IL17RD: variants seen among roughly 807,000 people sequenced by gnomAD.
IL17RD encodes the protein interleukin 17 receptor D.
A neutral mutation model predicts 80.5 loss-of-function variants in IL17RD; 52 were observed. The observed-to-expected ratio is 0.65, with a 90% CI of 0.52 to 0.81. IL17RD has a LOEUF of 0.81. IL17RD is among the 40% of genes least tolerant of loss of function. The probability of loss-of-function intolerance (pLI) is 0.00; values close to 1 mark genes in which losing one functional copy is unlikely to be tolerated. For missense variants in IL17RD, 1,024 were observed against 955.1 expected, an observed-to-expected ratio of 1.07 and a Z score of -0.95; for synonymous variants, 416 against 391.8, an observed-to-expected ratio of 1.06 and a Z score of -0.73.
intron 1 of IL17RD, among the ~76,000 whole-genome samples, chr3:57,123,417 G>T (rs1002302829): frequency 6.6e-6 from 1 of 152,302 alleles, no homozygotes; most frequent in South Asian, 2.1e-4. Context: ...GGGCACTGCA[G>T]TTCTGCTCGG....
At position 57,098,185 on chromosome 3, in the gene IL17RD, C is replaced by A. The variant is rs769391464; in HGVS notation, c.1518G>T (p.Gln506His). 1 of 1,613,926 alleles carries A rather than the reference C, an allele frequency of 6.2e-7. No individual in the cohort carries two copies. The highest frequency in any genetic ancestry group is 8.5e-7 in the Non-Finnish European group (1 of 1,179,842). ...TKYRLMDNLP[Q>H]LCSHLHSRDH... ...CTCGGGAGTGCAAGTGGGAACAGAGCTGAGGAAGATTGTCCATGAGTCTGT... is the reference window on the plus strand; with the variant it reads ...CTCGGGAGTGCAAGTGGGAACAGAGATGAGGAAGATTGTCCATGAGTCTGT... The change falls in exon 12 of 13, where the codon CAG becomes CAT. Residue 506 changes from glutamine (Q) to histidine (H), a missense_variant. Coordinates refer to ENST00000296318, the MANE Select transcript of IL17RD (RefSeq NM_017563.5).
At position 57,120,311 on chromosome 3, in the gene IL17RD, T is replaced by A; in HGVS notation, c.129A>T (p.Gly43=). The A allele has an allele frequency of 6.2e-7, 1 of 1,612,684 alleles. No individual in the cohort carries two copies. Among genetic ancestry groups the A allele is most frequent in the South Asian group, 1.1e-5 (1 of 91,036 alleles). ...ARGADTCGWR[G]VGPASRNSGL... ...CACTGTTTCTGCTGGCTGGCCCCAC[T>A]CCCTGTGGGAAAACAAGAGAACATG... is the stretch of plus-strand genomic sequence containing the variant. The change falls in exon 2 of 13, where the codon GGA becomes GGT. Residue 43 remains glycine (G), a splice_region_variant and synonymous_variant. Transcript: ENST00000296318.
In IL17RD at chr3:57,109,665, G is replaced by C; in HGVS notation, c.430-8C>G. ...AGGTTGAGATTCCATTCCCTAAAAGGGAACAAAAACACAGTGACATCATGG... is the reference window on the plus strand; with the variant it reads ...AGGTTGAGATTCCATTCCCTAAAAGCGAACAAAAACACAGTGACATCATGG... On this transcript the variant is annotated splice_polypyrimidine_tract_variant and splice_region_variant and intron_variant, in intron 4 of 12. Transcript: ENST00000296318. 1 of 1,610,942 alleles carries C rather than the reference G, an allele frequency of 6.2e-7. No homozygotes were observed. Among genetic ancestry groups the C allele is most frequent in the African/African-American group, 1.3e-5 (1 of 74,788 alleles).
intron 1 of IL17RD, among the ~76,000 whole-genome samples, chr3:57,127,355 T>TAC: frequency 1.1e-5 from 1 of 94,554 alleles, no homozygotes; most frequent in Non-Finnish European, 1.9e-5. Context: ...TATAAATATA[T>TAC]ATAAATATAA....
chr3:57,145,261 G>A (rs1017859399), intron 1 of IL17RD, among the ~76,000 whole-genome samples: 1 of 152,064 alleles, frequency 6.6e-6, no homozygotes, highest in Non-Finnish European at 1.5e-5. Flanking sequence ...AAAGCTCCTG[G>A]CCCAGAAGAC....
intron 1 of IL17RD, among the ~76,000 whole-genome samples, chr3:57,159,666 G>A (rs2060290935): frequency 6.6e-6 from 1 of 152,204 alleles, no homozygotes. Context: ...GAGGGCAGGA[G>A]CTCTCCAAAT....
rs1479337953 is a variant in IL17RD at position 57,094,355 on chromosome 3, C to A, written c.*2038G>T. 1.3e-5 allele frequency: 2 copies of A among 152,164 alleles called. No individual in the cohort carries two copies. Among genetic ancestry groups the A allele is most frequent in the Non-Finnish European group, 2.9e-5 (2 of 68,024 alleles). The allele number at this position is 152,164 out of a possible 1,614,324, so 9.4% of individuals were successfully genotyped here. A position where few individuals can be genotyped will look rare whatever the true frequency, so the allele number is the denominator to read the frequency against. The stretch of plus-strand genomic sequence containing the variant: ...AACATTAGTATTTCAACATAAGTAT[C>A]AAAACCCTAAATCCAAACTAAAACA... On this transcript the variant is annotated 3_prime_UTR_variant, in exon 13 of 13. Coordinates refer to ENST00000296318, the MANE Select transcript of IL17RD (RefSeq NM_017563.5).
chr3:57,111,737 G>A (rs557983894), intron 3 of IL17RD, among the ~76,000 whole-genome samples: 6 of 152,034 alleles, frequency 3.9e-5, no homozygotes, highest in Admixed American at 6.6e-5. Flanking sequence ...TTGGAAGGCC[G>A]AGGCGGGCGA....
rs1027306341 is a variant in IL17RD, at chr3:57,092,591, A to G, written c.*3802T>C. ...GCAACAGAGCAAGACTCCATCTCAA[A>G]AAAAAAAAAATGAAATTGTTCCCAG... On this transcript the variant is annotated 3_prime_UTR_variant, in exon 13 of 13. Coordinates refer to ENST00000296318, the MANE Select transcript of IL17RD (RefSeq NM_017563.5). 1.3e-5 allele frequency: 2 copies of G among 150,882 alleles called. No individual in the cohort carries two copies. The highest frequency in any genetic ancestry group is 4.8e-5 in the African/African-American group (2 of 41,240). 9.3% of individuals were successfully genotyped at this position (150,882 alleles called of 1,614,324 possible).
intron 3 of IL17RD, among the ~76,000 whole-genome samples, chr3:57,111,955 C>G (rs1391942200): frequency 6.8e-6 from 1 of 147,768 alleles, no homozygotes; most frequent in Non-Finnish European, 1.5e-5. Flanking sequence ...GAGTGAGACT[C>G]TGTCTCAAAA....
chr3:57,127,259 TATAA>T lies in IL17RD; in HGVS notation c.127-6950_127-6947del, dbSNP rs1241382604. On this transcript the variant is annotated intron_variant, in intron 1 of 12. Coordinates refer to ENST00000296318, the MANE Select transcript of IL17RD (RefSeq NM_017563.5). ...ATATATAAATATATATATAAATATA[TATAA>T]ATATATATAAAAATATATATAAATA... Among the ~76,000 whole-genome samples the T allele has an allele frequency of 7.0e-5, 7 of 100,430 alleles. 1 individual carries two copies. In the East Asian group the frequency reaches 1.2e-3, roughly 17 times the overall value. 65.9% of individuals were successfully genotyped at this position (100,430 alleles called of 152,430 possible).
chr3:57,126,674 A>T (rs560485007), intron 1 of IL17RD, among the ~76,000 whole-genome samples: 1 of 152,336 alleles, frequency 6.6e-6, no homozygotes, highest in South Asian at 2.1e-4. Flanking sequence ...GGAAAAATGC[A>T]TTTCAAGAAC....
chr3:57,158,234 C>T (rs185108826), intron 1 of IL17RD, among the ~76,000 whole-genome samples: 2 of 152,244 alleles, frequency 1.3e-5, no homozygotes, highest in South Asian at 2.1e-4. Flanking sequence ...TCATGATTAA[C>T]GTCTATTAGA....
At chr3:57,112,814 T>G (rs1707128699) in intron 3 of IL17RD, among the ~76,000 whole-genome samples, 1 of 152,226 alleles carries the variant, frequency 6.6e-6, no homozygotes, top group South Asian at 2.1e-4. Context: ...ATTAAGAAAT[T>G]CAGACTTTAC....
At position 57,112,098 on chromosome 3, in the gene IL17RD, G is replaced by A. The variant is rs560635561; in HGVS notation, c.311-1787C>T. On this transcript the variant is annotated intron_variant, in intron 3 of 12. Coordinates refer to ENST00000296318, the MANE Select transcript of IL17RD (RefSeq NM_017563.5). Reference sequence around the variant, plus strand: ...GAGGCCGAGGGAAGAGGCAGCAAACGTAATTCCTTTATCCCTGTGACACAT... The same window carrying A: ...GAGGCCGAGGGAAGAGGCAGCAAACATAATTCCTTTATCCCTGTGACACAT... 5.3e-4 allele frequency among the ~76,000 whole-genome samples: 80 copies of A among 152,284 alleles called. 1 individual carries two copies. The South Asian group carries it at 0.016, about 30-fold the overall frequency.
At chr3:57,149,271 G>C (rs1184323583) in intron 1 of IL17RD, among the ~76,000 whole-genome samples, 1 of 151,456 alleles carries the variant, frequency 6.6e-6, no homozygotes, top group Non-Finnish European at 1.5e-5. Flanking sequence ...ATTCCAGCCT[G>C]GGTGACAAGA....
rs1559477210 is a variant in IL17RD at position 57,127,354 on chromosome 3, AT to A, written c.127-7042del. Among the ~76,000 whole-genome samples, 457 of 103,970 alleles carry A rather than the reference AT, an allele frequency of 4.4e-3. 23 individuals are homozygous for A. Among genetic ancestry groups the A allele is most frequent in the African/African-American group, 0.022 (436 of 20,020 alleles). The allele number at this position is 103,970 out of a possible 152,430, so 68.2% of individuals were successfully genotyped here. The stretch of plus-strand genomic sequence containing the variant: ...TATATATAAAAATATATATAAATAT[AT>A]ATAAATATAAATATATATATATAAA... On this transcript the variant is annotated intron_variant, in intron 1 of 12. Transcript: ENST00000296318.
intron 1 of IL17RD, chr3:57,134,594 G>A: frequency 8.8e-7 from 1 of 1,140,776 alleles, no homozygotes. Flanking sequence ...CCCACAAGAA[G>A]CTGCAGGCTG....
chr3:57,108,522 T>TTC (rs1247553968), intron 5 of IL17RD, among the ~76,000 whole-genome samples: 1 of 140,134 alleles, frequency 7.1e-6, no homozygotes, highest in East Asian at 2.1e-4. Context: ...TTTTTTTTTT[T>TTC]TTTTTTTTTT....
Sources: allele counts gnomAD v4.1 joint callset (sites outside exome capture counted in the v4.1 genomes callset), GRCh38; gene constraint gnomAD v4.1.1; transcripts MANE v1.5; gene names NCBI Gene and HGNC (gene_info 2026-07-23, HGNC 2026-07-21).